ARHGAP22: variants seen among roughly 807,000 people sequenced by gnomAD.
ARHGAP22 encodes the protein rho GTPase-activating protein 22.
In ARHGAP22, 48 loss-of-function variants were observed where a neutral mutation model predicts 59.1. The observed-to-expected ratio is 0.81, with a 90% CI of 0.64 to 1.03. The LOEUF (loss-of-function observed/expected upper bound fraction) is 1.03. Among genes scored for constraint, ARHGAP22 ranks in the 50% least tolerant of loss-of-function variants. The pLI is 0.00. For synonymous variants in ARHGAP22, 445 were observed against 416.4 expected (o/e 1.07, Z -0.84); for missense variants, 1,015 against 958.7 (o/e 1.06, Z -0.78).
intron 1 of ARHGAP22, among the ~76,000 whole-genome samples, chr10:48,633,559 G>A (rs1330258294): frequency 6.6e-6 from 1 of 152,166 alleles, no homozygotes; most frequent in Non-Finnish European, 1.5e-5. Flanking sequence ...ATGGCCTATT[G>A]TGGTCTCACT....
intron 3 of ARHGAP22, among the ~76,000 whole-genome samples, chr10:48,533,480 A>G (rs148402827): frequency 0.01 from 1,554 of 152,312 alleles, 32 homozygotes; most frequent in African/African-American, 0.034. Flanking sequence ...GCATTTTCTC[A>G]GGCTCTCAAT....
At chr10:48,459,639 A>G in intron 5 of ARHGAP22, 45 bp downstream of exon 5, 1 of 1,603,020 alleles carries the variant, frequency 6.2e-7, no homozygotes, top group Non-Finnish European at 8.5e-7. Context: ...CCCCTGCAGG[A>G]GGAATGGACA....
intron 3 of ARHGAP22, among the ~76,000 whole-genome samples, chr10:48,529,674 C>G (rs1256298378): frequency 6.6e-6 from 1 of 152,188 alleles, no homozygotes; most frequent in Admixed American, 6.5e-5. Flanking sequence ...AAGCTGTCCC[C>G]ACCAAGCCAT....
chr10:48,488,233 G>A (rs550182282), intron 3 of ARHGAP22, among the ~76,000 whole-genome samples: 2 of 152,180 alleles, frequency 1.3e-5, no homozygotes, highest in African/African-American at 4.8e-5. Context: ...TTTAATTTAG[G>A]TCTTTTTAAA....
At position 48,450,510 on chromosome 10, in the gene ARHGAP22, C is replaced by T; in HGVS notation, c.1619G>A (p.Arg540His). 1 of 1,527,318 alleles carries T rather than the reference C, an allele frequency of 6.5e-7. No individual in the cohort carries two copies. 94.6% of individuals were successfully genotyped at this position (1,527,318 alleles called of 1,614,324 possible). A position where few individuals can be genotyped will look rare whatever the true frequency, so the allele number is the denominator to read the frequency against. ...GGCCCAGTCGGTGTGCAGGGAACTG[C>T]GGGCAGACGAGTCGCTGGCGCGGCA... ...TACRASDSSA[R>H]SSLHTDWALE... The change falls in exon 9 of 10, where the codon CGC (arginine) becomes CAC (histidine). Residue 540 changes from arginine (R) to histidine (H), a missense_variant. By Grantham distance (29) the Arg-to-His change is conservative (BLOSUM62 0). Coordinates refer to ENST00000249601, the MANE Select transcript of ARHGAP22 (RefSeq NM_021226.4).
At chr10:48,432,523 T>A in the ARHGAP22 span, among the ~76,000 whole-genome samples, 1 of 152,162 alleles carries the variant, frequency 6.6e-6, no homozygotes, top group East Asian at 1.9e-4. Flanking sequence ...AATTTAAAGC[T>A]CTATTATAAA....
At chr10:48,487,884 G>A (rs1251311584) in intron 3 of ARHGAP22, among the ~76,000 whole-genome samples, 1 of 152,100 alleles carries the variant, frequency 6.6e-6, no homozygotes, top group African/African-American at 2.4e-5. Context: ...GGGCAACATG[G>A]CAAGACCCCA....
At chr10:48,558,205 T>A (rs1363279167) in intron 2 of ARHGAP22, among the ~76,000 whole-genome samples, 1 of 152,224 alleles carries the variant, frequency 6.6e-6, no homozygotes, top group African/African-American at 2.4e-5. Flanking sequence ...ATGCAATGGA[T>A]GTCAGTAACC....
chr10:48,633,237 G>C (rs192893856), intron 1 of ARHGAP22, among the ~76,000 whole-genome samples: 7 of 152,292 alleles, frequency 4.6e-5, no homozygotes, highest in Admixed American at 4.6e-4. Context: ...AATGGCCCCA[G>C]TCAGCTCTCA....
chr10:48,512,333 T>C (rs2052863305), intron 3 of ARHGAP22, among the ~76,000 whole-genome samples: 1 of 152,344 alleles, frequency 6.6e-6, no homozygotes, highest in East Asian at 1.9e-4. Flanking sequence ...ATCCCAGCCG[T>C]GGGTGGCCTT....
At chr10:48,637,809 C>T (rs1208529872) in intron 1 of ARHGAP22, among the ~76,000 whole-genome samples, 1 of 152,174 alleles carries the variant, frequency 6.6e-6, no homozygotes, top group Non-Finnish European at 1.5e-5. Context: ...ACTTCACCTA[C>T]CCCTTCACCT....
intron 1 of ARHGAP22, among the ~76,000 whole-genome samples, chr10:48,595,129 C>T (rs1027682693): frequency 2.6e-5 from 4 of 152,222 alleles, no homozygotes; most frequent in Non-Finnish European, 5.9e-5. Context: ...TGTTTCCTAT[C>T]TGCAGCTCTG....
At chr10:48,544,361 C>T (rs1232732997) in intron 3 of ARHGAP22, among the ~76,000 whole-genome samples, 1 of 152,128 alleles carries the variant, frequency 6.6e-6, no homozygotes, top group Admixed American at 6.5e-5. Context: ...AGGCTCCCAC[C>T]CCCTCCCCAT....
chr10:48,479,656 A>T lies in ARHGAP22; in HGVS notation c.431T>A (p.Ile144Asn), dbSNP rs1589644546. 3 of 1,613,676 alleles carry T rather than the reference A, an allele frequency of 1.9e-6. No individual in the cohort carries two copies. Among genetic ancestry groups the T allele is most frequent in the East Asian group, 4.5e-5 (2 of 44,862 alleles). Residue 144 changes from isoleucine to asparagine, a missense_variant, in exon 4 of 10, where the codon ATC becomes AAC. Coordinates refer to ENST00000249601, the MANE Select transcript of ARHGAP22 (RefSeq NM_021226.4). ...EDWVQAIRRV[I>N]WAPLGGGIFG... ...AGTACCTCCGCCCAGCGGGGCCCAG[A>T]TGACTCGGCGGATGGCCTGCACCCA...
chr10:48,605,170 A>G (rs1002574864), upstream of ARHGAP22: 3 of 1,132,828 alleles, frequency 2.6e-6, no homozygotes, highest in African/African-American at 3.3e-5. Flanking sequence ...GGGCGGGGCC[A>G]GCCAGAGACG....
upstream of ARHGAP22, among the ~76,000 whole-genome samples, chr10:48,609,567 A>G (rs759315908): frequency 7.2e-5 from 11 of 152,162 alleles, no homozygotes; most frequent in Non-Finnish European, 1.5e-4. Context: ...CTTATACTGT[A>G]TTGAGTCATT....
chr10:48,652,577 A>C, exon 1 of ARHGAP22: 1 of 453,778 alleles, frequency 2.2e-6, no homozygotes. Flanking sequence ...AAATGGGAAC[A>C]ATAGTGACAA....
the ARHGAP22 span, chr10:48,431,249 C>G: frequency 6.2e-7 from 1 of 1,610,944 alleles, no homozygotes; most frequent in Non-Finnish European, 8.5e-7. Flanking sequence ...TGGAGTTATA[C>G]GGGGGCAGCC....
chr10:48,632,072 G>A lies in ARHGAP22; in HGVS notation c.52+20162C>T, dbSNP rs571660357. 2.0e-5 allele frequency among the ~76,000 whole-genome samples: 3 copies of A among 152,226 alleles called. No homozygotes were observed. In the South Asian group the frequency reaches 6.2e-4, roughly 32 times the overall value. On this transcript the variant is annotated intron_variant, in intron 1 of 9. Transcript: ENST00000435790. Reference sequence around the variant, plus strand: ...TGAGATTTCAGTGCACCTGTCACTCGAGCAGTGTACACTGTACCCAATATG... The same window carrying A: ...TGAGATTTCAGTGCACCTGTCACTCAAGCAGTGTACACTGTACCCAATATG...
Sources: gnomAD v4.1 joint callset for allele counts (sites outside exome capture counted in the v4.1 genomes callset) on GRCh38, gnomAD v4.1.1 for gene constraint, MANE v1.5 for transcripts, NCBI Gene and HGNC (gene_info 2026-07-23, HGNC 2026-07-21) for gene names.